The following CCDC141 variants were observed in gnomAD, a reference collection of about 807,000 sequenced individuals.
CCDC141 encodes coiled-coil domain containing 141.
CCDC141 carries 168 observed loss-of-function variants against 181.0 expected under a neutral mutation model. The observed-to-expected ratio is 0.93, with a 90% CI of 0.82 to 1.05. The LOEUF is 1.05. Among genes scored for constraint, CCDC141 ranks in the 50% least tolerant of loss-of-function variants. The probability of loss-of-function intolerance (pLI) is 0.00; values close to 1 mark genes in which losing one functional copy is unlikely to be tolerated. For synonymous variants in CCDC141, 666 were observed against 642.3 expected (o/e 1.04, Z -0.56); for missense variants, 1,902 against 1,788.5 (o/e 1.06, Z -1.14).
intron 2 of CCDC141, among the ~76,000 whole-genome samples, chr2:179,005,587 A>G (rs575612644): frequency 2.6e-4 from 39 of 152,222 alleles, no homozygotes; most frequent in African/African-American, 7.7e-4. Context: ...CCTATGTTTC[A>G]CCATCCTATC....
At chr2:179,040,208 C>T (rs1171088028) in intron 2 of CCDC141, among the ~76,000 whole-genome samples, 7 of 152,194 alleles carry the variant, frequency 4.6e-5, no homozygotes, top group East Asian at 1.9e-4. Flanking sequence ...TATGAAGCTT[C>T]GATCTGTCCT....
downstream of CCDC141, among the ~76,000 whole-genome samples, chr2:178,828,259 G>A (rs1007269836): frequency 1.3e-5 from 2 of 152,172 alleles, no homozygotes; most frequent in African/African-American, 4.8e-5. Context: ...CACACAGACA[G>A]AGAAGCTGAA....
intron 2 of CCDC141, among the ~76,000 whole-genome samples, chr2:178,982,136 T>G (rs1372451258): frequency 6.6e-6 from 1 of 151,988 alleles, no homozygotes; most frequent in Non-Finnish European, 1.5e-5. Flanking sequence ...TATTAAAAAA[T>G]TAAATCAATA....
intron 23 of CCDC141, among the ~76,000 whole-genome samples, chr2:178,835,567 T>C (rs1283437722): frequency 6.6e-6 from 1 of 152,242 alleles, no homozygotes; most frequent in Non-Finnish European, 1.5e-5. Context: ...CCTAAGAATG[T>C]ATGATATCCT....
At chr2:178,932,909 T>A (rs565541991) in intron 6 of CCDC141, among the ~76,000 whole-genome samples, 58 of 152,284 alleles carry the variant, frequency 3.8e-4, no homozygotes, top group Non-Finnish European at 6.9e-4. Flanking sequence ...TTATCCTATA[T>A]TTATAAATAT....
intron 2 of CCDC141, among the ~76,000 whole-genome samples, chr2:179,010,374 G>C (rs917429761): frequency 2.0e-5 from 3 of 152,098 alleles, no homozygotes; most frequent in African/African-American, 7.2e-5. Context: ...TAAGACAAAG[G>C]AAAGAATCTT....
intron 2 of CCDC141, among the ~76,000 whole-genome samples, chr2:178,983,147 G>A (rs989389370): frequency 1.4e-4 from 22 of 152,162 alleles, no homozygotes; most frequent in African/African-American, 4.6e-4. Context: ...CCTCAAGTGG[G>A]TCCCTGACCC....
chr2:178,905,215 A>G, intron 8 of CCDC141, 114 bp downstream of exon 8: 1 of 967,042 alleles, frequency 1.0e-6, no homozygotes. Flanking sequence ...AAGCCATATC[A>G]TAATGCAGCA....
intron 6 of CCDC141, among the ~76,000 whole-genome samples, chr2:178,930,359 G>A (rs1689054836): frequency 6.6e-6 from 1 of 152,182 alleles, no homozygotes; most frequent in South Asian, 2.1e-4. Flanking sequence ...AGAACTTAAT[G>A]TTGTTAAGAT....
chr2:178,877,919 T>A, intron 12 of CCDC141, 45 bp downstream of exon 12: 1 of 1,516,560 alleles, frequency 6.6e-7, no homozygotes. Context: ...TTGACTTTGA[T>A]GAGTATCCCT....
intron 2 of CCDC141, among the ~76,000 whole-genome samples, chr2:179,044,873 T>G (rs948918180): frequency 6.6e-6 from 1 of 152,212 alleles, no homozygotes; most frequent in African/African-American, 2.4e-5. Context: ...GACCTTGAGT[T>G]ATTAGCCAAA....
chr2:178,919,045 T>C (rs185975446), intron 6 of CCDC141, 138 bp from the exon 7 acceptor site: 59 of 795,820 alleles, frequency 7.4e-5, no homozygotes, highest in Middle Eastern at 7.3e-4. Flanking sequence ...AGATGATTAG[T>C]GACCTTATGA....
Position 178,961,280 on chromosome 2 carries a change from C to A in CCDC141, c.730G>T (p.Glu244Ter). ...LDKYLKQQWQ[E>*]LSQVLQICQW... ...CATATCTGCAGAACTTGACTCAATTCTTGCCACTGTTGCTTCAAGTACTTG... is the reference window on the plus strand; with the variant it reads ...CATATCTGCAGAACTTGACTCAATTATTGCCACTGTTGCTTCAAGTACTTG... Residue 244 changes from glutamate (E) to a stop codon, truncating the protein, a stop_gained, in exon 5 of 24, where the codon GAA (glutamate) becomes TAA (stop). Transcript: ENST00000443758. LOFTEE classifies it high-confidence loss of function. The A allele has an allele frequency of 6.4e-7, 1 of 1,550,478 alleles. No homozygotes were observed. The highest frequency in any genetic ancestry group is 8.7e-7 in the Non-Finnish European group (1 of 1,146,900).
At chr2:178,968,610 C>T (rs530550290) in intron 4 of CCDC141, among the ~76,000 whole-genome samples, 2 of 151,930 alleles carry the variant, frequency 1.3e-5, no homozygotes, top group East Asian at 3.9e-4. Flanking sequence ...AAATTTATAG[C>T]ACTAAAAGCC....
In CCDC141 at chr2:178,830,515, T is replaced by G. The variant is rs1320374391; in HGVS notation, c.*3658A>C. On this transcript the variant is annotated 3_prime_UTR_variant, in exon 24 of 24. Transcript: ENST00000443758. ...AGGGGAGAAAAACAAGCTAGGTTTATCTTTGTTTACCTTTGGCAACAATTC... is the reference window on the plus strand; with the variant it reads ...AGGGGAGAAAAACAAGCTAGGTTTAGCTTTGTTTACCTTTGGCAACAATTC... 1 of 152,250 alleles carries G rather than the reference T, an allele frequency of 6.6e-6. No individual in the cohort carries two copies. The highest frequency in any genetic ancestry group is 1.5e-5 in the Non-Finnish European group (1 of 68,046). 9.4% of individuals were successfully genotyped at this position (152,250 alleles called of 1,614,324 possible).
At chr2:178,992,391 A>C (rs866207076) in intron 2 of CCDC141, among the ~76,000 whole-genome samples, 1 of 146,718 alleles carries the variant, frequency 6.8e-6, no homozygotes, top group Non-Finnish European at 1.5e-5. Flanking sequence ...AAAAAAAAAC[A>C]CATGCCATTG....
chr2:178,918,965 G>T, intron 6 of CCDC141, 58 bp from the exon 7 acceptor site: 1 of 1,428,050 alleles, frequency 7.0e-7, no homozygotes, highest in Non-Finnish European at 9.5e-7. Context: ...CCGAATGCTT[G>T]TGTCCCCCCG....
chr2:178,935,364 AACAT>A (rs1437405415), intron 6 of CCDC141, among the ~76,000 whole-genome samples: 1 of 152,178 alleles, frequency 6.6e-6, no homozygotes, highest in East Asian at 1.9e-4. Context: ...TATATGTGAA[AACAT>A]GCAGTATTTT....
the CCDC141 span, among the ~76,000 whole-genome samples, chr2:178,822,427 C>T: frequency 9.5e-4 from 102 of 107,138 alleles, no homozygotes; most frequent in African/African-American, 3.7e-3. Flanking sequence ...AAAATCCCTC[C>T]TGAAAAAAAA....
Sources: allele counts gnomAD v4.1 joint callset (sites outside exome capture counted in the v4.1 genomes callset), GRCh38; gene constraint gnomAD v4.1.1; transcripts MANE v1.5; gene names NCBI Gene and HGNC (gene_info 2026-07-23, HGNC 2026-07-21).